Variants in PRMT8 observed in about 807,000 individuals in gnomAD.
PRMT8 encodes protein arginine methyltransferase 8, also known as protein arginine N-methyltransferase 8.
A neutral mutation model predicts 47.1 loss-of-function variants in PRMT8; 7 were observed. The ratio of observed to expected loss-of-function variants is 0.15; its 90% confidence interval spans 0.08 to 0.28. The LOEUF (loss-of-function observed/expected upper bound fraction) is 0.28, where lower values mean the gene tolerates loss of function less well. Among genes scored for constraint, PRMT8 ranks in the 10% least tolerant of loss-of-function variants. The probability of loss-of-function intolerance (pLI) is 1.00; values close to 1 mark genes in which losing one functional copy is unlikely to be tolerated. For synonymous variants in PRMT8, 188 were observed against 186.5 expected, an observed-to-expected ratio of 1.01 and a Z score of -0.07; for missense variants, 237 against 505.4, an observed-to-expected ratio of 0.47 and a Z score of 5.09.
At chr12:3,454,833 C>T (rs1457232392) in intron 1 of PRMT8, among the ~76,000 whole-genome samples, 1 of 152,162 alleles carries the variant, frequency 6.6e-6, no homozygotes. Context: ...CCCTAAGGGT[C>T]CTACAGATAA....
intron 1 of PRMT8, among the ~76,000 whole-genome samples, chr12:3,515,705 G>A (rs1432895528): frequency 6.6e-6 from 1 of 152,182 alleles, no homozygotes; most frequent in Non-Finnish European, 1.5e-5. Context: ...TCCTGCAGGG[G>A]TATTTACGGT....
intron 1 of PRMT8, among the ~76,000 whole-genome samples, chr12:3,527,875 C>T (rs1215529798): frequency 6.6e-6 from 1 of 152,080 alleles, no homozygotes; most frequent in East Asian, 1.9e-4. Context: ...AAAGACTTTA[C>T]TTTACCGTCA....
chr12:3,431,005 G>A (rs1259469752), intron 1 of PRMT8, among the ~76,000 whole-genome samples: 5 of 152,160 alleles, frequency 3.3e-5, no homozygotes, highest in South Asian at 2.1e-4. Context: ...GAGGCTGTTC[G>A]ACTCTGGAGA....
intron 1 of PRMT8, among the ~76,000 whole-genome samples, chr12:3,440,253 G>A (rs1017995532): frequency 5.3e-5 from 8 of 152,170 alleles, no homozygotes; most frequent in African/African-American, 1.7e-4. Flanking sequence ...GAGGTCAGGA[G>A]ATCGAGACCA....
In PRMT8 at chr12:3,436,296, T is replaced by C. The variant is rs1864740502; in HGVS notation, c.48+54854T>C. ...CGTCACCTTCGTTTTTGACACTCAC[T>C]TGCTTTTCAAACCTCTTAATACAGT... On this transcript the variant is annotated intron_variant, in intron 1 of 9. Coordinates refer to the PRMT8 transcript ENST00000452611. The surrounding 1 kb of genome is among the most constrained non-coding windows in gnomAD (Gnocchi z 4.2). 6.6e-6 allele frequency among the ~76,000 whole-genome samples: 1 copy of C among 152,158 alleles called. No homozygotes were observed. The highest frequency in any genetic ancestry group is 1.5e-5 in the Non-Finnish European group (1 of 68,028).
intron 1 of PRMT8, among the ~76,000 whole-genome samples, chr12:3,403,342 G>C (rs765407146): frequency 2.0e-5 from 3 of 152,116 alleles, no homozygotes; most frequent in Admixed American, 6.5e-5. Flanking sequence ...GAGAGCATCA[G>C]GAAGAATAGC....
At chr12:3,481,636 G>A (rs1865274881) in intron 1 of PRMT8, among the ~76,000 whole-genome samples, 1 of 152,194 alleles carries the variant, frequency 6.6e-6, no homozygotes, top group Non-Finnish European at 1.5e-5. Context: ...CAACCTCGAG[G>A]TTATGGAGTA....
chr12:3,457,301 T>A (rs73260023), intron 1 of PRMT8, among the ~76,000 whole-genome samples: 5,312 of 152,212 alleles, frequency 0.035, 276 homozygotes, highest in African/African-American at 0.12. Context: ...CTGACTTTGC[T>A]AAGCATATTT....
chr12:3,417,923 A>G (rs1411497641), intron 1 of PRMT8, among the ~76,000 whole-genome samples: 1 of 152,110 alleles, frequency 6.6e-6, no homozygotes, highest in Non-Finnish European at 1.5e-5. Flanking sequence ...TCTGCTCCTT[A>G]CCAGTTGGGG....
At chr12:3,483,990 A>G (rs1317580373) in intron 1 of PRMT8, among the ~76,000 whole-genome samples, 1 of 152,152 alleles carries the variant, frequency 6.6e-6, no homozygotes, top group Non-Finnish European at 1.5e-5. Context: ...AGGCTGCTGG[A>G]GCCAAATGGG....
At chr12:3,404,021 C>T (rs1406955220) in intron 1 of PRMT8, among the ~76,000 whole-genome samples, 1 of 151,516 alleles carries the variant, frequency 6.6e-6, no homozygotes, top group Non-Finnish European at 1.5e-5. Context: ...CACAGGAAAT[C>T]AAACAAACAT....
At chr12:3,541,821 A>G (rs1264956984) in intron 2 of PRMT8, among the ~76,000 whole-genome samples, 1 of 152,154 alleles carries the variant, frequency 6.6e-6, no homozygotes, top group Non-Finnish European at 1.5e-5. Flanking sequence ...TTATTGGTTC[A>G]TTTATTCTTC....
chr12:3,563,553 G>A (rs17769758), intron 4 of PRMT8, among the ~76,000 whole-genome samples: 11,390 of 151,200 alleles, frequency 0.075, 496 homozygotes, highest in Middle Eastern at 0.14. Flanking sequence ...CTGACCAGCC[G>A]CAGGAGAAGG....
chr12:3,441,773 A>G (rs1009610251), intron 1 of PRMT8, among the ~76,000 whole-genome samples: 6 of 152,382 alleles, frequency 3.9e-5, no homozygotes, highest in African/African-American at 1.4e-4. Context: ...ACAAATGTTT[A>G]GCTTTGGGTG....
chr12:3,549,697 G>A (rs1279207465), intron 2 of PRMT8, among the ~76,000 whole-genome samples: 4 of 152,156 alleles, frequency 2.6e-5, no homozygotes, highest in Admixed American at 6.5e-5. Context: ...CTGAACATGA[G>A]TTTCTCTTCT....
In PRMT8 at chr12:3,446,482, ACAC is replaced by A. The variant is rs1370092701; in HGVS notation, c.48+65043_48+65045del. The stretch of plus-strand genomic sequence containing the variant: ...CCTCAGCCACATGCTGTTCTGGTAA[ACAC>A]CAGCCGAGGTTGCCACCAACCTGCA... On this transcript the variant is annotated intron_variant, in intron 1 of 9. Transcript: ENST00000452611. 2.6e-5 allele frequency among the ~76,000 whole-genome samples: 4 copies of A among 152,024 alleles called. No individual in the cohort carries two copies. The East Asian group carries it at 7.7e-4, about 29-fold the overall frequency.
chr12:3,401,995 G>A (rs1021625707), intron 1 of PRMT8, among the ~76,000 whole-genome samples: 13 of 152,010 alleles, frequency 8.6e-5, no homozygotes, highest in Non-Finnish European at 1.6e-4. Flanking sequence ...AAATTCATAT[G>A]GAACCAAAAA....
chr12:3,492,215 G>A lies in PRMT8; in HGVS notation c.75+515G>A, dbSNP rs1865428095. On this transcript the variant is annotated intron_variant, in intron 1 of 9. Transcript: ENST00000382622. The surrounding 1 kb of genome is among the most constrained non-coding windows in gnomAD (Gnocchi z 7.5). ...GAGCTCTCCGTCCCCGCAGCCGCGC[G>A]GAGAGCCCCCGGCCGCGGGGGCCGA... Among the ~76,000 whole-genome samples, 1 of 152,038 alleles carries A rather than the reference G, an allele frequency of 6.6e-6. No individual in the cohort carries two copies. Among genetic ancestry groups the A allele is most frequent in the Admixed American group, 6.5e-5 (1 of 15,276 alleles).
intron 1 of PRMT8, among the ~76,000 whole-genome samples, chr12:3,391,864 G>C (rs1368976275): frequency 6.6e-6 from 1 of 152,162 alleles, no homozygotes; most frequent in Non-Finnish European, 1.5e-5. Flanking sequence ...GGTGCAGATG[G>C]GGACCCAGAG....
Sources: gnomAD v4.1 joint callset for allele counts (sites outside exome capture counted in the v4.1 genomes callset) on GRCh38, gnomAD v4.1.1 for gene constraint, Gnocchi (gnomAD v3.1) non-coding constraint, MANE v1.5 for transcripts, NCBI Gene and HGNC (gene_info 2026-07-23, HGNC 2026-07-21) for gene names.